SLC25A48: variants seen among roughly 807,000 people sequenced by gnomAD.
The protein encoded by SLC25A48 is CTC-321K16.1.
Under a neutral mutation model 32.2 loss-of-function variants are expected in SLC25A48, and 29 were observed. The observed-to-expected ratio is 0.90, with a 90% CI of 0.67 to 1.23. The LOEUF (loss-of-function observed/expected upper bound fraction) is 1.23. Ranked by LOEUF, SLC25A48 falls within the 50% of genes most tolerant of loss-of-function variation. The probability of loss-of-function intolerance (pLI) is 0.00; values close to 1 mark genes in which losing one functional copy is unlikely to be tolerated. For synonymous variants in SLC25A48, 164 were observed against 172.3 expected, an observed-to-expected ratio of 0.95 and a Z score of 0.38; for missense variants, 399 against 422.7, an observed-to-expected ratio of 0.94 and a Z score of 0.49.
At chr5:135,864,760 G>C (rs1215133072) in intron 4 of SLC25A48, among the ~76,000 whole-genome samples, 2 of 152,252 alleles carry the variant, frequency 1.3e-5, no homozygotes, top group Admixed American at 1.3e-4. Context: ...ATTAATGATA[G>C]TGCATATTAC....
Position 135,587,731 on chromosome 5 carries a change from A to C in SLC25A48, c.-849+8134A>C, listed in dbSNP as rs541084682. Among the ~76,000 whole-genome samples, 7 of 152,370 alleles carry C rather than the reference A, an allele frequency of 4.6e-5. No homozygotes were observed. The East Asian group carries it at 1.3e-3, about 29-fold the overall frequency. Reference sequence around the variant, plus strand: ...CTTAGCAACTAGTCATTGCCTCTGAACATGATCAGGTTCTTAACGGTGAGC... The same window carrying C: ...CTTAGCAACTAGTCATTGCCTCTGACCATGATCAGGTTCTTAACGGTGAGC... On this transcript the variant is annotated intron_variant, in intron 1 of 10. Transcript: ENST00000646290.
rs534767202 is a variant in SLC25A48, at chr5:135,629,814, C to T, written c.-709+438C>T. Among the ~76,000 whole-genome samples, 1 of 152,362 alleles carries T rather than the reference C, an allele frequency of 6.6e-6. No individual in the cohort carries two copies. Among genetic ancestry groups the T allele is most frequent in the South Asian group, 2.1e-4 (1 of 4,832 alleles). ...TCTCCAGCACTTCTGGCCTGCTCTGCACATGGGCTGAGTGGGCCCATTGGC... is the reference window on the plus strand; with the variant it reads ...TCTCCAGCACTTCTGGCCTGCTCTGTACATGGGCTGAGTGGGCCCATTGGC... On this transcript the variant is annotated intron_variant, in intron 2 of 10. Transcript: ENST00000646290. This position sits in a 1 kb window ranked among gnomAD's most constrained non-coding sequence, Gnocchi z 4.8.
At chr5:135,773,951 T>A (rs568622110) in intron 3 of SLC25A48, among the ~76,000 whole-genome samples, 19 of 151,856 alleles carry the variant, frequency 1.3e-4, no homozygotes, top group South Asian at 8.3e-4. Flanking sequence ...ACCCAGAGGA[T>A]GTAAACTTCC....
chr5:135,621,978 A>G (rs1752335988), intron 1 of SLC25A48, among the ~76,000 whole-genome samples: 1 of 152,236 alleles, frequency 6.6e-6, no homozygotes, highest in African/African-American at 2.4e-5. Context: ...AAGATCTTGT[A>G]TAGTTCAATA....
chr5:135,633,303 GC>G (rs34713641), intron 2 of SLC25A48, among the ~76,000 whole-genome samples: 42,848 of 151,746 alleles, frequency 0.28, 6,577 homozygotes, highest in East Asian at 0.6. Context: ...GTGTCCCCCT[GC>G]CCCACTCATA....
At chr5:135,637,848 TTTG>T (rs576697310) in intron 3 of SLC25A48, among the ~76,000 whole-genome samples, 19 of 151,754 alleles carry the variant, frequency 1.3e-4, no homozygotes, top group African/African-American at 1.9e-4. Context: ...TTGGGCTGTA[TTTG>T]TTGTTGTTGT....
chr5:135,635,444 C>A (rs1307150939), intron 3 of SLC25A48, among the ~76,000 whole-genome samples: 6 of 152,212 alleles, frequency 3.9e-5, no homozygotes, highest in Admixed American at 6.5e-5. Flanking sequence ...GCAACAATCC[C>A]AGGCATGGGA....
chr5:135,874,948 C>A, intron 6 of SLC25A48: 1 of 415,846 alleles, frequency 2.4e-6, no homozygotes, highest in Non-Finnish European at 4.2e-6. Flanking sequence ...TGGCAGGATC[C>A]AAGCAAGCAG....
intron 3 of SLC25A48, among the ~76,000 whole-genome samples, chr5:135,726,938 C>A (rs1216044304): frequency 6.6e-6 from 1 of 152,086 alleles, no homozygotes; most frequent in Non-Finnish European, 1.5e-5. Context: ...TATGAGTGAT[C>A]CAGTTTCTAT....
chr5:135,664,848 A>G (rs1753484870), intron 3 of SLC25A48, among the ~76,000 whole-genome samples: 1 of 152,162 alleles, frequency 6.6e-6, no homozygotes, highest in African/African-American at 2.4e-5. Flanking sequence ...GGTTGGTTCC[A>G]TATCTTTGCA....
At chr5:135,806,870 T>C (rs1347174856) in intron 3 of SLC25A48, among the ~76,000 whole-genome samples, 1 of 150,348 alleles carries the variant, frequency 6.7e-6, no homozygotes, top group African/African-American at 2.4e-5. Context: ...GATATTTCAA[T>C]AATATCACAG....
chr5:135,651,836 T>C (rs1753121730), intron 3 of SLC25A48, among the ~76,000 whole-genome samples: 1 of 152,206 alleles, frequency 6.6e-6, no homozygotes, highest in Non-Finnish European at 1.5e-5. Flanking sequence ...TAGTTGCTAA[T>C]GGTTTGGCTG....
chr5:135,581,908 G>C (rs546980116), intron 1 of SLC25A48, among the ~76,000 whole-genome samples: 1 of 152,224 alleles, frequency 6.6e-6, no homozygotes, highest in East Asian at 1.9e-4. Flanking sequence ...CACCTTCAGG[G>C]CACAGACTGT....
At chr5:135,676,211 A>G (rs1753765157) in intron 3 of SLC25A48, among the ~76,000 whole-genome samples, 3 of 151,730 alleles carry the variant, frequency 2.0e-5, no homozygotes, top group African/African-American at 7.2e-5. Context: ...ATCCAATCTT[A>G]GTATGTTGTA....
At chr5:135,686,734 T>A (rs1421296922) in intron 3 of SLC25A48, among the ~76,000 whole-genome samples, 1 of 151,444 alleles carries the variant, frequency 6.6e-6, no homozygotes, top group Admixed American at 6.6e-5. Flanking sequence ...AATGAATGAA[T>A]GGAAAAAGGG....
At chr5:135,804,426 G>A (rs987065737) in intron 3 of SLC25A48, among the ~76,000 whole-genome samples, 11 of 151,570 alleles carry the variant, frequency 7.3e-5, no homozygotes, top group South Asian at 6.2e-4. Context: ...GTAAGATCTC[G>A]CTGTGTGTGT....
chr5:135,701,477 C>T (rs1392680688), intron 3 of SLC25A48, among the ~76,000 whole-genome samples: 1 of 152,044 alleles, frequency 6.6e-6, no homozygotes, highest in Non-Finnish European at 1.5e-5. Flanking sequence ...TCCCCCCCGC[C>T]ACCGGCCCCC....
intron 3 of SLC25A48, among the ~76,000 whole-genome samples, chr5:135,739,466 G>C (rs556456094): frequency 6.6e-6 from 1 of 152,118 alleles, no homozygotes; most frequent in South Asian, 2.1e-4. Flanking sequence ...GATTCGTCAG[G>C]GGTGTTTTCT....
intron 4 of SLC25A48, among the ~76,000 whole-genome samples, chr5:135,829,133 A>G (rs529189853): frequency 1.3e-5 from 2 of 152,222 alleles, no homozygotes; most frequent in Non-Finnish European, 2.9e-5. Context: ...GCCACATGGC[A>G]GAAGATGGAG....
Sources: gnomAD v4.1 joint callset for allele counts (sites outside exome capture counted in the v4.1 genomes callset) on GRCh38, gnomAD v4.1.1 for gene constraint, Gnocchi (gnomAD v3.1) non-coding constraint, MANE v1.5 for transcripts, NCBI Gene and HGNC (gene_info 2026-07-23, HGNC 2026-07-21) for gene names.